SERPINB6: variants seen among roughly 807,000 people sequenced by gnomAD.
SERPINB6 encodes serpin family B member 6, also known as serpin B6.
SERPINB6 carries 16 observed loss-of-function variants against 26.1 expected under a neutral mutation model. That is an observed-to-expected ratio of 0.61 (90% CI 0.42 to 0.93). SERPINB6 has a LOEUF of 0.93. Ranked by LOEUF, SERPINB6 falls within the 40% of genes least tolerant of loss-of-function variation. SERPINB6 has a pLI of 0.00. For missense variants in SERPINB6, 420 were observed against 478.0 expected, an observed-to-expected ratio of 0.88 and a Z score of 1.13; for synonymous variants, 174 against 176.6, an observed-to-expected ratio of 0.99 and a Z score of 0.11.
intron 1 of SERPINB6, among the ~76,000 whole-genome samples, chr6:2,961,736 G>T (rs1771129940): frequency 6.6e-6 from 1 of 151,362 alleles, no homozygotes; most frequent in South Asian, 2.1e-4. Flanking sequence ...TGGAGAGGCT[G>T]CCAGGTGAGA....
rs1771881058 is a variant in SERPINB6, at chr6:2,968,936, C to T, written c.-11+2597G>A. On this transcript the variant is annotated intron_variant, in intron 1 of 6. Transcript: ENST00000380539. ...GTTCTGGAAGGAGATGGGGTGGAAG[C>T]AGATGGGGGTCGGGGGGCTTCTACT... 4.1e-6 allele frequency: 5 copies of T among 1,223,664 alleles called. No individual in the cohort carries two copies. In the Admixed American group the frequency reaches 2.1e-4, roughly 52 times the overall value. 75.8% of individuals were successfully genotyped at this position (1,223,664 alleles called of 1,614,324 possible).
intron 1 of SERPINB6, chr6:2,966,717 G>T (rs908538103): frequency 4.2e-5 from 7 of 166,914 alleles, no homozygotes; most frequent in Non-Finnish European, 7.4e-5. Flanking sequence ...TGCCAAAAAG[G>T]TTGGGGACCA....
chr6:2,949,371 C>T (rs530464220), intron 5 of SERPINB6, among the ~76,000 whole-genome samples: 2 of 152,340 alleles, frequency 1.3e-5, no homozygotes, highest in East Asian at 1.9e-4. Flanking sequence ...CTTGGGCCTC[C>T]TGCATTTTAC....
chr6:2,954,726 G>T lies in SERPINB6; in HGVS notation c.313-17C>A. The T allele has an allele frequency of 6.4e-7, 1 of 1,564,552 alleles. No individual in the cohort carries two copies. The highest frequency in any genetic ancestry group is 1.1e-5 in the South Asian group (1 of 90,062). ...TCTAAAAGACTAGGATAGACAGAGT[G>T]ACATAACTGCCTGGCTACAAAAATG... On this transcript the variant is annotated splice_polypyrimidine_tract_variant and intron_variant, in intron 3 of 6. Transcript: ENST00000380539.
At position 2,949,033 on chromosome 6, in the gene SERPINB6, A is replaced by T. The variant is rs1318428057; in HGVS notation, c.610T>A (p.Ser204Thr). ...EKPVQMMFKQ[S>T]TFKKTYIGEI... is the part of the protein sequence containing the mutation. Reference sequence around the variant, plus strand: ...CCTATATAGGTCTTCTTAAAAGTAGATTGCTTAAACATCATTTGCACAGGT... The same window carrying T: ...CCTATATAGGTCTTCTTAAAAGTAGTTTGCTTAAACATCATTTGCACAGGT... The change falls in exon 6 of 7, where the codon TCT (serine) becomes ACT (threonine). Residue 204 changes from serine (S) to threonine (T), a missense_variant. Ser to Thr is a moderately conservative substitution (Grantham distance 58). Transcript: ENST00000380539. 6.2e-7 allele frequency: 1 copy of T among 1,614,112 alleles called. No individual in the cohort carries two copies. The highest frequency in any genetic ancestry group is 1.3e-5 in the African/African-American group (1 of 74,924).
intron 1 of SERPINB6, chr6:2,969,921 G>C (rs1361344327): frequency 1.3e-6 from 1 of 749,752 alleles, no homozygotes; most frequent in Non-Finnish European, 1.6e-6. Flanking sequence ...CAGATCACGA[G>C]GTCAGGAGTT....
At chr6:2,970,464 AG>A in intron 1 of SERPINB6, 6 of 1,103,836 alleles carry the variant, frequency 5.4e-6, no homozygotes, top group Non-Finnish European at 6.6e-6. Context: ...CACACATAAA[AG>A]CCCCAGCAAT....
At chr6:2,968,642 G>A (rs957445984) in intron 1 of SERPINB6, 4 of 1,222,986 alleles carry the variant, frequency 3.3e-6, no homozygotes, top group Non-Finnish European at 4.1e-6. Context: ...GGGTCCTTTT[G>A]TTATGGTGGC....
chr6:2,966,616 T>C, intron 1 of SERPINB6: 1 of 158,034 alleles, frequency 6.3e-6, no homozygotes, highest in East Asian at 1.9e-4. Flanking sequence ...GAATGCCTGA[T>C]GATCTGAGGT....
At chr6:2,969,595 G>T in intron 1 of SERPINB6, 1 of 984,984 alleles carries the variant, frequency 1.0e-6, no homozygotes, top group Non-Finnish European at 1.2e-6. Context: ...GTTCACAATT[G>T]ATTTTATTCA....
chr6:2,967,143 G>C lies in SERPINB6; in HGVS notation c.-11+4390C>G, dbSNP rs1771714851. 2.0e-6 allele frequency: 2 copies of C among 985,066 alleles called. No individual in the cohort carries two copies. The highest frequency in any genetic ancestry group is 2.4e-6 in the Non-Finnish European group (2 of 829,730). 61.0% of individuals were successfully genotyped at this position (985,066 alleles called of 1,614,324 possible). On this transcript the variant is annotated intron_variant, in intron 1 of 6. Transcript: ENST00000380539. The surrounding 1 kb of genome is among the most constrained non-coding windows in gnomAD (Gnocchi z 4.3). ...AGGCTACTCACCCCAAAGGTGACCA[G>C]TGCAGAGCTCCAGCCACCCAGACTC...
chr6:2,969,219 T>G (rs1355034555), intron 1 of SERPINB6: 1 of 986,000 alleles, frequency 1.0e-6, no homozygotes, highest in Non-Finnish European at 1.2e-6. Flanking sequence ...TCTGTTATCC[T>G]TTCAGCAAAC....
At chr6:2,965,996 C>G (rs1771608056) in intron 1 of SERPINB6, among the ~76,000 whole-genome samples, 1 of 152,212 alleles carries the variant, frequency 6.6e-6, no homozygotes, top group African/African-American at 2.4e-5. Context: ...AGGCCTCAAC[C>G]AAACACCAAA....
At chr6:2,960,753 T>A (rs1771007773) in intron 1 of SERPINB6, 1 of 152,366 alleles carries the variant, frequency 6.6e-6, no homozygotes, top group South Asian at 2.1e-4. Flanking sequence ...GCTCCAAAGA[T>A]ACCTGGGTCA....
rs80103243 is a variant in SERPINB6, at chr6:2,966,344, T to C, written c.-11+5189A>G. 3.4e-4 allele frequency: 331 copies of C among 985,374 alleles called. 3 individuals are homozygous for C. The East Asian group carries it at 0.028, about 83-fold the overall frequency. 61.0% of individuals were successfully genotyped at this position (985,374 alleles called of 1,614,324 possible). A position where few individuals can be genotyped will look rare whatever the true frequency, so the allele number is the denominator to read the frequency against. On this transcript the variant is annotated intron_variant, in intron 1 of 6. Coordinates refer to ENST00000380539, the MANE Select transcript of SERPINB6 (RefSeq NM_004568.6). ...CTGATGTTTTTTTTTCTTCTTGTTC[T>C]AATTGGCTGGTGGGAATCTCTTTAA... is the stretch of plus-strand genomic sequence containing the variant.
chr6:2,966,428 G>C (rs543374643), intron 1 of SERPINB6: 1 of 986,506 alleles, frequency 1.0e-6, no homozygotes, highest in South Asian at 4.7e-5. Context: ...CAGCAGATCC[G>C]TCTGTGGTCT....
intron 1 of SERPINB6, chr6:2,966,439 G>A: frequency 1.0e-5 from 10 of 986,000 alleles, no homozygotes; most frequent in Non-Finnish European, 1.2e-5. Flanking sequence ...TCTGTGGTCT[G>A]TTAGGAACTG....
intron 1 of SERPINB6, among the ~76,000 whole-genome samples, chr6:2,964,336 C>A (rs924106843): frequency 3.3e-5 from 5 of 151,754 alleles, no homozygotes; most frequent in African/African-American, 1.2e-4. Context: ...ACATTATGTA[C>A]AACATTATGG....
At chr6:2,950,567 T>C (rs997671695) in intron 5 of SERPINB6, among the ~76,000 whole-genome samples, 1 of 148,600 alleles carries the variant, frequency 6.7e-6, no homozygotes, top group African/African-American at 2.5e-5. Flanking sequence ...AGTCAATCTC[T>C]GCTGAATAAA....
Sources: gnomAD v4.1 joint callset for allele counts (sites outside exome capture counted in the v4.1 genomes callset) on GRCh38, gnomAD v4.1.1 for gene constraint, Gnocchi (gnomAD v3.1) non-coding constraint, MANE v1.5 for transcripts, NCBI Gene and HGNC (gene_info 2026-07-23, HGNC 2026-07-21) for gene names.